Variants in PTPRB observed in about 807,000 individuals in gnomAD.
PTPRB encodes receptor-type tyrosine-protein phosphatase beta.
A neutral mutation model predicts 238.1 loss-of-function variants in PTPRB; 97 were observed. That is an observed-to-expected ratio of 0.41 (90% CI 0.35 to 0.48). PTPRB has a LOEUF of 0.48. Ranked by LOEUF, PTPRB falls within the 20% of genes least tolerant of loss-of-function variation. The probability of loss-of-function intolerance (pLI) is 0.30; values close to 1 mark genes in which losing one functional copy is unlikely to be tolerated. For missense variants in PTPRB, 2,292 were observed against 2,681.9 expected, an observed-to-expected ratio of 0.85 and a Z score of 3.21; for synonymous variants, 970 against 995.4, an observed-to-expected ratio of 0.97 and a Z score of 0.48.
intron 28 of PTPRB, among the ~76,000 whole-genome samples, chr12:70,536,841 C>T (rs1367660723): frequency 6.6e-6 from 1 of 152,240 alleles, no homozygotes; most frequent in Non-Finnish European, 1.5e-5. Context: ...CTTACTTATC[C>T]TCAGCATGGT....
At chr12:70,539,126 T>C in intron 26 of PTPRB, 112 bp from the exon 27 acceptor site, 1 of 831,448 alleles carries the variant, frequency 1.2e-6, no homozygotes. Flanking sequence ...AGCTATTGTT[T>C]ATGAATGCCT....
At chr12:70,621,064 T>G (rs1399538909) in intron 3 of PTPRB, among the ~76,000 whole-genome samples, 1 of 152,230 alleles carries the variant, frequency 6.6e-6, no homozygotes, top group Non-Finnish European at 1.5e-5. Context: ...CTCACTCATG[T>G]CAGTGGTTGA....
In PTPRB at chr12:70,635,737, T is replaced by C; in HGVS notation, c.385A>G (p.Ser129Gly). ...TTGTTGACATCTATTTTCATCCAGC[T>C]ATGGAGGTATTTCCTGGCCTTCTTG... is the stretch of plus-strand genomic sequence containing the variant. ...VVKKARKYLH[S>G]WMKIDVNKEG... The change falls in exon 2 of 34, where the codon AGC becomes GGC. Residue 129 changes from serine (S) to glycine (G), a missense_variant. Transcript: ENST00000334414. 1 of 1,613,984 alleles carries C rather than the reference T, an allele frequency of 6.2e-7. No homozygotes were observed. The highest frequency in any genetic ancestry group is 8.5e-7 in the Non-Finnish European group (1 of 1,179,886).
rs1469259999 is a variant in PTPRB, at chr12:70,516,977, G to GA, written c.*4511dup. 2 of 152,122 alleles carry GA rather than the reference G, an allele frequency of 1.3e-5. No homozygotes were observed. The highest frequency in any genetic ancestry group is 3.8e-4 in the East Asian group (2 of 5,200). The allele number at this position is 152,122 out of a possible 1,614,324, so 9.4% of individuals were successfully genotyped here. A position where few individuals can be genotyped will look rare whatever the true frequency, so the allele number is the denominator to read the frequency against. On this transcript the variant is annotated 3_prime_UTR_variant, in exon 34 of 34. Coordinates refer to ENST00000334414, the MANE Select transcript of PTPRB (RefSeq NM_001109754.4). ...CCGAGGGAGCCTCCCTACAAGTCAAGAGTATTCTCTTAGCCAGAAATACTT... is the reference window on the plus strand; with the variant it reads ...CCGAGGGAGCCTCCCTACAAGTCAAGAAGTATTCTCTTAGCCAGAAATACTT...
At chr12:70,551,866 T>C (rs1345810170) in intron 21 of PTPRB, among the ~76,000 whole-genome samples, 1 of 152,004 alleles carries the variant, frequency 6.6e-6, no homozygotes, top group Non-Finnish European at 1.5e-5. Flanking sequence ...CACTGCCAAT[T>C]CCTAGGGCCG....
Position 70,538,184 on chromosome 12 carries a change from A to G in PTPRB, c.5917T>C (p.Ser1973Pro), listed in dbSNP as rs1465268918. Residue 1973 changes from serine to proline, a missense_variant, in exon 28 of 34, where the codon TCT becomes CCT. Physicochemically the swap from Ser to Pro is moderately conservative, Grantham distance 74. Coordinates refer to ENST00000334414, the MANE Select transcript of PTPRB (RefSeq NM_001109754.4). ...KLSNVDDDPCSDYINASYIPG... is the reference protein window; with the variant it reads ...KLSNVDDDPCPDYINASYIPG... ...ATGTAGCTGGCATTGATGTAGTCAG[A>G]GCAAGGATCATCATCTACATTGGAG... The G allele has an allele frequency of 1.9e-6, 3 of 1,613,724 alleles. No individual in the cohort carries two copies. The highest frequency in any genetic ancestry group is 1.3e-5 in the African/African-American group (1 of 74,924).
In PTPRB at chr12:70,543,612, A is replaced by C. The variant is rs574664313; in HGVS notation, c.5494+945T>G. Among the ~76,000 whole-genome samples, 29 of 152,332 alleles carry C rather than the reference A, an allele frequency of 1.9e-4. No individual in the cohort carries two copies. The South Asian group carries it at 3.7e-3, about 20-fold the overall frequency. ...GCTGAGTCATCGTTTGTCATGCAGCACGAGAGACAGTTTTAGCTGTAAAGA... is the reference window on the plus strand; with the variant it reads ...GCTGAGTCATCGTTTGTCATGCAGCCCGAGAGACAGTTTTAGCTGTAAAGA... On this transcript the variant is annotated intron_variant, in intron 22 of 33. Coordinates refer to ENST00000334414, the MANE Select transcript of PTPRB (RefSeq NM_001109754.4).
At chr12:70,574,628 C>T (rs1217099765) in intron 11 of PTPRB, among the ~76,000 whole-genome samples, 3 of 152,100 alleles carry the variant, frequency 2.0e-5, no homozygotes, top group African/African-American at 4.8e-5. Context: ...TGATGTGATA[C>T]AGAATTAGAA....
intron 11 of PTPRB, 44 bp downstream of exon 11, chr12:70,576,338 G>A (rs748803567): frequency 6.3e-7 from 1 of 1,589,908 alleles, no homozygotes; most frequent in South Asian, 1.2e-5. Flanking sequence ...TGAGCCACAT[G>A]TGAATTGGTT....
At chr12:70,585,295 A>G (rs1212333280) in intron 9 of PTPRB, 2 of 152,080 alleles carry the variant, frequency 1.3e-5, no homozygotes, top group East Asian at 3.9e-4. Context: ...TTCCAATTAC[A>G]CTGAAAAAAA....
intron 20 of PTPRB, among the ~76,000 whole-genome samples, 188 bp downstream of exon 20, chr12:70,554,972 T>TA (rs1250266078): frequency 1.3e-5 from 2 of 152,220 alleles, no homozygotes; most frequent in East Asian, 3.8e-4. Flanking sequence ...TAACAGGCTT[T>TA]ATTGCCCAAA....
chr12:70,520,426 ATTG>A lies in PTPRB; in HGVS notation c.*1060_*1062del. The A allele has an allele frequency of 8.6e-6, 2 of 231,512 alleles. No individual in the cohort carries two copies. Among genetic ancestry groups the A allele is most frequent in the East Asian group, 2.7e-4 (2 of 7,492 alleles). 14.3% of individuals were successfully genotyped at this position (231,512 alleles called of 1,614,324 possible). On this transcript the variant is annotated 3_prime_UTR_variant, in exon 34 of 34. Coordinates refer to ENST00000334414, the MANE Select transcript of PTPRB (RefSeq NM_001109754.4). ...GAAGACCACTGTTTTTGTTTTTGCT[ATTG>A]TTTTTAAATTTACTATATATGATGT...
intron 28 of PTPRB, 108 bp from the exon 29 acceptor site, chr12:70,536,267 A>G: frequency 1.5e-6 from 2 of 1,297,788 alleles, no homozygotes; most frequent in Non-Finnish European, 2.1e-6. Context: ...CAAGTCTCTG[A>G]CTTCAGAAAA....
chr12:70,608,437 A>C (rs1055456689), intron 4 of PTPRB, among the ~76,000 whole-genome samples: 1 of 152,202 alleles, frequency 6.6e-6, no homozygotes, highest in African/African-American at 2.4e-5. Context: ...AGAAAGGCAA[A>C]CTCTGAACAT....
chr12:70,587,222 G>A lies in PTPRB; in HGVS notation c.2096C>T (p.Thr699Ile). ...LQLRVKHANE[T>I]SLSIMWQTPV... ...GGTCTGCCACATGATACTCAGTGAG[G>A]TTTCATTGGCATGTTTGACACGAAG... Residue 699 changes from threonine (T) to isoleucine (I), a missense_variant, in exon 9 of 34, where the codon ACC becomes ATC. Physicochemically the swap from Thr to Ile is moderately conservative, Grantham distance 89 (BLOSUM62 -1). Coordinates refer to ENST00000334414, the MANE Select transcript of PTPRB (RefSeq NM_001109754.4). 6.2e-7 allele frequency: 1 copy of A among 1,613,794 alleles called. No homozygotes were observed. Among genetic ancestry groups the A allele is most frequent in the Non-Finnish European group, 8.5e-7 (1 of 1,179,758 alleles).
chr12:70,538,879 A>G (rs1278045128), intron 27 of PTPRB, 45 bp downstream of exon 27: 3 of 1,468,672 alleles, frequency 2.0e-6, no homozygotes, highest in South Asian at 1.2e-5. Flanking sequence ...AAATGCAGAA[A>G]TGGCTAGAGG....
intron 6 of PTPRB, among the ~76,000 whole-genome samples, chr12:70,593,269 T>C (rs529320285): frequency 6.6e-6 from 1 of 152,034 alleles, no homozygotes; most frequent in Non-Finnish European, 1.5e-5. Context: ...TCCCAACACT[T>C]TGGGAGGCCA....
At chr12:70,571,791 C>A in intron 12 of PTPRB, 33 bp downstream of exon 12, 1 of 1,591,932 alleles carries the variant, frequency 6.3e-7, no homozygotes, top group Non-Finnish European at 8.5e-7. Context: ...TCAAGTCCAA[C>A]CAACTGTCAG....
At chr12:70,524,172 G>A (rs565808482) in intron 33 of PTPRB, among the ~76,000 whole-genome samples, 2 of 151,990 alleles carry the variant, frequency 1.3e-5, no homozygotes, top group South Asian at 4.2e-4. Flanking sequence ...GCAGTGGTAC[G>A]ATCTCAGCTC....
Sources: allele counts gnomAD v4.1 joint callset (sites outside exome capture counted in the v4.1 genomes callset), GRCh38; gene constraint gnomAD v4.1.1; transcripts MANE v1.5; gene names NCBI Gene and HGNC (gene_info 2026-07-23, HGNC 2026-07-21).